Variants in MGA observed in about 807,000 individuals in gnomAD.
MGA encodes MAX gene-associated protein.
Under a neutral mutation model 261.1 loss-of-function variants are expected in MGA, and 40 were observed. The observed-to-expected ratio is 0.15, with a 90% CI of 0.12 to 0.20. The LOEUF is 0.20. Among genes scored for constraint, MGA ranks in the 10% least tolerant of loss-of-function variants. MGA has a pLI of 1.00. For missense variants in MGA, 3,397 were observed against 3,630.5 expected, an observed-to-expected ratio of 0.94 and a Z score of 1.65; for synonymous variants, 1,302 against 1,290.6, an observed-to-expected ratio of 1.01 and a Z score of -0.19.
intron 1 of MGA, among the ~76,000 whole-genome samples, chr15:41,646,462 C>T (rs767681084): frequency 1.3e-3 from 195 of 152,042 alleles, no homozygotes; most frequent in Middle Eastern, 3.4e-3. Context: ...TCTCATGCCT[C>T]AGCCTCCCCA....
intron 1 of MGA, among the ~76,000 whole-genome samples, chr15:41,637,130 G>A (rs996564002): frequency 5.8e-4 from 88 of 152,166 alleles, no homozygotes; most frequent in African/African-American, 2.1e-3. Flanking sequence ...TAAGTGGAAG[G>A]ACCATTGTTC....
chr15:41,694,794 G>A lies in MGA; in HGVS notation c.1065-1281G>A, dbSNP rs191358224. On this transcript the variant is annotated intron_variant, in intron 2 of 23. Transcript: ENST00000219905. The stretch of plus-strand genomic sequence containing the variant: ...CCCAAAGCACTGGGATTACAGGCGT[G>A]AGCCACTGCGCCCGGCTCCAGGGTT... 2.4e-3 allele frequency among the ~76,000 whole-genome samples: 364 copies of A among 152,234 alleles called. 1 individual carries two copies. Among genetic ancestry groups the A allele is most frequent in the Non-Finnish European group, 3.8e-3 (260 of 68,016 alleles).
At chr15:41,760,175 A>G in intron 19 of MGA, 148 bp from the exon 20 acceptor site, 1 of 673,698 alleles carries the variant, frequency 1.5e-6, no homozygotes, top group Non-Finnish European at 2.6e-6. Flanking sequence ...GGAAGGATAG[A>G]CTGGTAGTAA....
chr15:41,762,035 G>T, intron 21 of MGA, 94 bp from the exon 22 acceptor site: 1 of 1,124,494 alleles, frequency 8.9e-7, no homozygotes, highest in Non-Finnish European at 1.3e-6. Flanking sequence ...CATAGTTTTT[G>T]GGAATATAGT....
intron 5 of MGA, among the ~76,000 whole-genome samples, chr15:41,703,008 G>C (rs1297179633): frequency 1.3e-5 from 2 of 151,958 alleles, no homozygotes; most frequent in Admixed American, 1.3e-4. Flanking sequence ...CATAAGATTG[G>C]TACATTTGTT....
chr15:41,764,180 T>A (rs551392333), intron 22 of MGA, among the ~76,000 whole-genome samples: 51 of 150,686 alleles, frequency 3.4e-4, no homozygotes, highest in Admixed American at 1.3e-3. Context: ...AAAAAAAAAA[T>A]GGTATATTCT....
chr15:41,691,562 A>G (rs780227424), intron 2 of MGA: 3 of 458,958 alleles, frequency 6.5e-6, no homozygotes, highest in Admixed American at 4.4e-5. Flanking sequence ...AATCTCTAGT[A>G]CAAGTAAGTA....
chr15:41,745,071 G>A (rs1421808862), intron 15 of MGA, among the ~76,000 whole-genome samples: 2 of 151,980 alleles, frequency 1.3e-5, no homozygotes, highest in Admixed American at 1.3e-4. Flanking sequence ...TAGAGACGGG[G>A]TTTCATCATG....
intron 1 of MGA, among the ~76,000 whole-genome samples, chr15:41,632,677 G>A (rs1318966452): frequency 6.6e-6 from 1 of 152,054 alleles, no homozygotes; most frequent in African/African-American, 2.4e-5. Flanking sequence ...ATAGATTTGA[G>A]CTGGGCCTCC....
chr15:41,674,638 G>C (rs950330082), intron 2 of MGA, among the ~76,000 whole-genome samples: 1 of 152,042 alleles, frequency 6.6e-6, no homozygotes, highest in Non-Finnish European at 1.5e-5. Context: ...TCCTGCCTCA[G>C]CCTCCTGAGT....
chr15:41,732,302 C>G (rs2061552278), intron 11 of MGA, among the ~76,000 whole-genome samples: 1 of 152,260 alleles, frequency 6.6e-6, no homozygotes, highest in Non-Finnish European at 1.5e-5. Context: ...CACCCGCCAC[C>G]ACGCCCGGCT....
chr15:41,711,143 G>T lies in MGA; in HGVS notation c.2878G>T (p.Asp960Tyr), dbSNP rs771535306. The T allele has an allele frequency of 1.2e-6, 2 of 1,613,914 alleles. No homozygotes were observed. Among genetic ancestry groups the T allele is most frequent in the Non-Finnish European group, 1.7e-6 (2 of 1,179,914 alleles). ...GAATAACTTTGTTGTGCCAACTTTG[G>T]ATGAAAATATATTTCCAAAGCAGAT... The change falls in exon 8 of 24, where the codon GAT becomes TAT. Residue 960 changes from aspartate to tyrosine, a missense_variant. Coordinates refer to ENST00000219905, the MANE Select transcript of MGA (RefSeq NM_001164273.2).
intron 1 of MGA, among the ~76,000 whole-genome samples, chr15:41,654,451 C>T (rs887249849): frequency 6.6e-6 from 1 of 152,072 alleles, no homozygotes; most frequent in Non-Finnish European, 1.5e-5. Context: ...TGATGGTCCT[C>T]TAAATACTTT....
chr15:41,671,773 C>T (rs2058074775), intron 2 of MGA, among the ~76,000 whole-genome samples: 1 of 152,200 alleles, frequency 6.6e-6, no homozygotes, highest in African/African-American at 2.4e-5. Context: ...TCTCCGTGCT[C>T]ATGAGTTCCC....
At chr15:41,673,485 T>C (rs1009754731) in intron 2 of MGA, among the ~76,000 whole-genome samples, 9 of 151,814 alleles carry the variant, frequency 5.9e-5, no homozygotes, top group Non-Finnish European at 1.2e-4. Flanking sequence ...CCCAAAGTGG[T>C]AGGATTACAG....
rs1480852961 is a variant in MGA at position 41,727,164 on chromosome 15, C to T, written c.3431-16C>T. On this transcript the variant is annotated splice_polypyrimidine_tract_variant and intron_variant, in intron 9 of 23. Coordinates refer to ENST00000219905, the MANE Select transcript of MGA (RefSeq NM_001164273.2). ...TGCCAAAAGTACCTAAAACCTTACC[C>T]TTCTTTTTTGTTAAGCTATATGTGA... The T allele has an allele frequency of 1.3e-6, 2 of 1,599,408 alleles. No individual in the cohort carries two copies. Among genetic ancestry groups the T allele is most frequent in the Non-Finnish European group, 1.7e-6 (2 of 1,172,314 alleles).
intron 11 of MGA, among the ~76,000 whole-genome samples, chr15:41,732,645 C>G (rs1281399569): frequency 6.6e-6 from 1 of 152,180 alleles, no homozygotes; most frequent in East Asian, 1.9e-4. Context: ...CCTCTGTGGC[C>G]TGTCTAGGGA....
chr15:41,633,789 T>G (rs147487542), intron 1 of MGA, among the ~76,000 whole-genome samples: 1 of 152,132 alleles, frequency 6.6e-6, no homozygotes, highest in Non-Finnish European at 1.5e-5. Flanking sequence ...GCTGTTAAAG[T>G]CCAGTCATAT....
chr15:41,759,654 T>G (rs1005230198), intron 19 of MGA, among the ~76,000 whole-genome samples: 1 of 152,060 alleles, frequency 6.6e-6, no homozygotes, highest in Non-Finnish European at 1.5e-5. Context: ...ATAGAATAAA[T>G]AAGATAGAGA....
Sources: allele counts gnomAD v4.1 joint callset (sites outside exome capture counted in the v4.1 genomes callset), GRCh38; gene constraint gnomAD v4.1.1; transcripts MANE v1.5; gene names NCBI Gene and HGNC (gene_info 2026-07-23, HGNC 2026-07-21).